The following VPS13B variants were observed in gnomAD, a reference collection of about 807,000 sequenced individuals.
VPS13B encodes vacuolar protein sorting 13 homolog B.
VPS13B carries 285 observed loss-of-function variants against 426.4 expected under a neutral mutation model. The ratio of observed to expected loss-of-function variants is 0.67; its 90% CI spans 0.61 to 0.74. The LOEUF is 0.74. VPS13B is among the 30% of genes least tolerant of loss of function. The probability of loss-of-function intolerance (pLI) is 0.00; values close to 1 mark genes in which losing one functional copy is unlikely to be tolerated. For synonymous variants in VPS13B, 1,676 were observed against 1,676.4 expected (o/e 1.00, Z 0.01); for missense variants, 4,537 against 4,782.6 (o/e 0.95, Z 1.51).
intron 44 of VPS13B, among the ~76,000 whole-genome samples, chr8:99,815,246 A>G (rs965788165): frequency 1.3e-5 from 2 of 152,082 alleles, no homozygotes; most frequent in African/African-American, 4.8e-5. Flanking sequence ...AGGAGAGCCA[A>G]TGTGTAGCTC....
chr8:99,767,493 C>CAAAAAAAAAAAAAAAAAAAAAAAAAA (rs869220303), intron 40 of VPS13B, among the ~76,000 whole-genome samples: 2 of 33,316 alleles, frequency 6.0e-5, no homozygotes, highest in African/African-American at 1.1e-4. Context: ...GCAACTCTCT[C>CAAAAAAAAAAAAAAAAAAAAAAAAAA]AAAAAAAAAA....
intron 3 of VPS13B, among the ~76,000 whole-genome samples, chr8:99,049,430 G>T (rs1843412166): frequency 2.6e-5 from 4 of 151,934 alleles, no homozygotes; most frequent in Admixed American, 2.6e-4. Flanking sequence ...GCTTAGTTTT[G>T]CTGGATACAA....
At chr8:99,773,057 G>T (rs1404051999) in intron 40 of VPS13B, among the ~76,000 whole-genome samples, 3 of 152,206 alleles carry the variant, frequency 2.0e-5, no homozygotes, top group Admixed American at 6.5e-5. Context: ...GCAAGAAAAA[G>T]AGGAATGGAT....
At chr8:99,240,317 T>G (rs1236041385) in intron 17 of VPS13B, among the ~76,000 whole-genome samples, 1 of 152,200 alleles carries the variant, frequency 6.6e-6, no homozygotes, top group African/African-American at 2.4e-5. Context: ...ATCATGATCA[T>G]GTCTTACATT....
chr8:99,472,645 C>A (rs58391202), intron 24 of VPS13B, among the ~76,000 whole-genome samples: 4,148 of 151,592 alleles, frequency 0.027, 179 homozygotes, highest in African/African-American at 0.093. Flanking sequence ...ACAAGAGAAA[C>A]CCAAAGTAAG....
chr8:99,413,145 C>G (rs1379226974), intron 21 of VPS13B, among the ~76,000 whole-genome samples: 3 of 152,048 alleles, frequency 2.0e-5, no homozygotes, highest in African/African-American at 4.8e-5. Context: ...ACCAGCTCCT[C>G]TTTGTACCTC....
chr8:99,409,605 G>A (rs886912623), intron 21 of VPS13B, among the ~76,000 whole-genome samples: 7 of 152,098 alleles, frequency 4.6e-5, no homozygotes, highest in Admixed American at 2.6e-4. Context: ...TAGGCCTGGG[G>A]TTTTTCTTTG....
chr8:99,289,066 A>AATGAAT lies in VPS13B; in HGVS notation c.2824+13812_2824+13813insATGAAT, dbSNP rs1350775653. The stretch of plus-strand genomic sequence containing the variant: ...ATGAATGAATGAATGAATGAATGAA[A>AATGAAT]GAAGGAAGGAAGGAAGGAAAGAAAG... On this transcript the variant is annotated intron_variant, in intron 19 of 61. Transcript: ENST00000357162. Among the ~76,000 whole-genome samples the AATGAAT allele has an allele frequency of 2.0e-3, 91 of 45,632 alleles. 1 individual carries two copies. The highest frequency in any genetic ancestry group is 0.019 in the South Asian group (24 of 1,236). 29.9% of individuals were successfully genotyped at this position (45,632 alleles called of 152,430 possible). A position where few individuals can be genotyped will look rare whatever the true frequency, so the allele number is the denominator to read the frequency against.
chr8:99,395,911 C>T (rs143757318), intron 21 of VPS13B, among the ~76,000 whole-genome samples: 1 of 151,708 alleles, frequency 6.6e-6, no homozygotes, highest in Admixed American at 6.6e-5. Context: ...ATATAAAGAG[C>T]CAAACTCAAT....
chr8:99,373,336 A>G (rs915542282), intron 19 of VPS13B, among the ~76,000 whole-genome samples: 10 of 152,218 alleles, frequency 6.6e-5, no homozygotes, highest in Admixed American at 2.0e-4. Context: ...ATTAAAAAAA[A>G]AAAAAGAAAA....
intron 17 of VPS13B, among the ~76,000 whole-genome samples, chr8:99,260,930 T>G (rs1015914251): frequency 2.6e-5 from 4 of 152,118 alleles, no homozygotes; most frequent in African/African-American, 9.7e-5. Context: ...ACAAGTTACT[T>G]AAGTTTTTCT....
rs373852425 is a variant in VPS13B, at chr8:99,875,697, G to GTGATTGAT, written c.*36_*37insGATTGATT. On this transcript the variant is annotated 3_prime_UTR_variant, in exon 62 of 62. Coordinates refer to ENST00000357162, the MANE Select transcript of VPS13B (RefSeq NM_152564.5). ...CTCTGAGGTGTTTATTCCTGCTTGT[G>GTGATTGAT]TGATTTAGTTTTTGGGTTTCTTTGA... 6.2e-7 allele frequency: 1 copy of GTGATTGAT among 1,613,944 alleles called. No individual in the cohort carries two copies. The highest frequency in any genetic ancestry group is 8.5e-7 in the Non-Finnish European group (1 of 1,179,952).
chr8:99,113,354 A>G (rs960656740), intron 6 of VPS13B, among the ~76,000 whole-genome samples: 1 of 152,094 alleles, frequency 6.6e-6, no homozygotes, highest in African/African-American at 2.4e-5. Flanking sequence ...TCTCTTGTCT[A>G]GGCCTCCCAA....
At chr8:99,722,555 G>A (rs556203160) in intron 39 of VPS13B, among the ~76,000 whole-genome samples, 107 of 148,286 alleles carry the variant, frequency 7.2e-4, no homozygotes, top group Non-Finnish European at 1.2e-3. Context: ...CACCCAGGCT[G>A]GAGTGCAGTG....
chr8:99,287,750 G>A (rs1464310706), intron 19 of VPS13B, among the ~76,000 whole-genome samples: 5 of 151,836 alleles, frequency 3.3e-5, no homozygotes, highest in African/African-American at 9.7e-5. Context: ...CAAAGAAATC[G>A]ACATTAAAAC....
intron 19 of VPS13B, among the ~76,000 whole-genome samples, chr8:99,277,762 C>T (rs1358332425): frequency 6.6e-6 from 1 of 152,090 alleles, no homozygotes; most frequent in Non-Finnish European, 1.5e-5. Flanking sequence ...TTGATTGTTT[C>T]CCCTGCTATT....
At chr8:99,193,149 C>T in intron 17 of VPS13B, 92 bp downstream of exon 17, 10 of 1,256,520 alleles carry the variant, frequency 8.0e-6, no homozygotes, top group Non-Finnish European at 1.1e-5. Context: ...CTAGCATGGT[C>T]AACTTAAATT....
chr8:99,677,651 T>A (rs952611681), intron 35 of VPS13B, among the ~76,000 whole-genome samples: 14 of 152,138 alleles, frequency 9.2e-5, no homozygotes, highest in South Asian at 2.1e-4. Flanking sequence ...CCTCAAAGAG[T>A]CATAGAGGCT....
At chr8:99,072,740 T>G (rs1391899832) in intron 3 of VPS13B, among the ~76,000 whole-genome samples, 1 of 152,178 alleles carries the variant, frequency 6.6e-6, no homozygotes, top group East Asian at 1.9e-4. Context: ...GGTCTTAAGG[T>G]TAAGTCTTTA....
Sources: gnomAD v4.1 joint callset for allele counts (sites outside exome capture counted in the v4.1 genomes callset) on GRCh38, gnomAD v4.1.1 for gene constraint, MANE v1.5 for transcripts, NCBI Gene and HGNC (gene_info 2026-07-23, HGNC 2026-07-21) for gene names.